Variants in CRYBG1 observed in about 807,000 individuals in gnomAD.
The protein encoded by CRYBG1 is beta/gamma crystallin domain-containing protein 1.
In CRYBG1, 139 loss-of-function variants were observed where a neutral mutation model predicts 189.2. The ratio of observed to expected loss-of-function variants is 0.73; its 90% CI spans 0.64 to 0.85. The LOEUF is 0.85. Ranked by LOEUF, CRYBG1 falls within the 40% of genes least tolerant of loss-of-function variation. CRYBG1 has a pLI of 0.00. For synonymous variants in CRYBG1, 1,023 were observed against 1,017.1 expected (o/e 1.01, Z -0.11); for missense variants, 2,611 against 2,675.8 (o/e 0.98, Z 0.53).
At chr6:106,561,064 ATCTGGGCTCAGT>A in intron 19 of CRYBG1, 138 bp downstream of exon 19, 1 of 1,026,804 alleles carries the variant, frequency 9.7e-7, no homozygotes, top group East Asian at 2.6e-5. Context: ...TGCCCCAATA[ATCTGGGCTCAGT>A]TTCTGGTGCT....
At chr6:106,555,993 G>T in intron 17 of CRYBG1, 96 bp downstream of exon 17, 1 of 1,368,752 alleles carries the variant, frequency 7.3e-7, no homozygotes, top group Non-Finnish European at 1.0e-6. Flanking sequence ...TGCTCTTAAA[G>T]TTAGTTAAGG....
intron 1 of CRYBG1, among the ~76,000 whole-genome samples, chr6:106,443,658 C>G (rs1268481909): frequency 2.6e-5 from 4 of 152,154 alleles, no homozygotes; most frequent in Non-Finnish European, 2.9e-5. Flanking sequence ...CTCAGAGTTG[C>G]CCCTGGTACT....
chr6:106,512,361 G>C lies in CRYBG1; in HGVS notation c.1244G>C (p.Gly415Ala), dbSNP rs535274999. ...DWDDMEKRSS[G>A]RRSGRRRGSQ... ...GACGACATGGAGAAGAGGTCCAGCG[G>C]CCGTAGGTCGGGGAGGCGGAGGGGG... Residue 415 changes from glycine (G) to alanine (A), a missense_variant, in exon 3 of 22, where the codon GGC (glycine) becomes GCC (alanine). Coordinates refer to ENST00000633556, the MANE Select transcript of CRYBG1 (RefSeq NM_001371242.2). 85 of 1,611,468 alleles carry C rather than the reference G, an allele frequency of 5.3e-5. 1 individual carries two copies. In the South Asian group the frequency reaches 8.8e-4, roughly 17 times the overall value.
At chr6:106,562,090 G>A (rs577105926) in intron 20 of CRYBG1, among the ~76,000 whole-genome samples, 16 of 152,148 alleles carry the variant, frequency 1.1e-4, no homozygotes, top group Middle Eastern at 3.4e-3. Context: ...GAGCTTGACC[G>A]TTGGCTCCTG....
intron 2 of CRYBG1, among the ~76,000 whole-genome samples, chr6:106,495,580 T>TG (rs1404609102): frequency 6.6e-6 from 1 of 150,492 alleles, no homozygotes; most frequent in African/African-American, 2.4e-5. Flanking sequence ...TGGAATATAG[T>TG]GGGGGGGCTG....
chr6:106,361,983 T>TCTTTCTTTCTTTCTTTCTTTCTTTCTTGC (rs1771882292), intron 1 of CRYBG1, among the ~76,000 whole-genome samples: 1 of 138,082 alleles, frequency 7.2e-6, no homozygotes. Flanking sequence ...TTTTTTTTTT[T>TCTTTCTTTCTTTCTTTCTTTCTTTCTTGC]TTTCTGAGAC....
rs754168088 is a variant in CRYBG1, at chr6:106,555,871, T to C, written c.5689T>C (p.Phe1897Leu). ...SAMGCPPGAT[F>L]KSLRFIDVEF... ...AATGGGATGCCCGCCTGGAGCAACTTTCAAGTCTCTTCGTTTTATAGATGT... is the reference window on the plus strand; with the variant it reads ...AATGGGATGCCCGCCTGGAGCAACTCTCAAGTCTCTTCGTTTTATAGATGT... Residue 1897 changes from phenylalanine (F) to leucine (L), a missense_variant, in exon 17 of 22, where the codon TTC becomes CTC. Transcript: ENST00000633556. The C allele has an allele frequency of 4.3e-6, 7 of 1,614,066 alleles. No individual in the cohort carries two copies. In the African/African-American group the frequency reaches 8.0e-5, roughly 18 times the overall value.
intron 2 of CRYBG1, among the ~76,000 whole-genome samples, chr6:106,482,364 C>T (rs1772481867): frequency 8.7e-6 from 1 of 114,770 alleles, no homozygotes; most frequent in Non-Finnish European, 1.8e-5. Context: ...ATCCCTACAC[C>T]TTTGCAGTGG....
intron 1 of CRYBG1, among the ~76,000 whole-genome samples, chr6:106,384,208 C>A (rs1770341127): frequency 2.0e-5 from 3 of 152,140 alleles, no homozygotes; most frequent in South Asian, 2.1e-4. Context: ...TCCTCTTTGA[C>A]CTACTGGCTT....
rs758953735 is a variant in CRYBG1, at chr6:106,512,162, G to A, written c.1045G>A (p.Glu349Lys). The A allele has an allele frequency of 2.0e-6, 3 of 1,534,532 alleles. No individual in the cohort carries two copies. Among genetic ancestry groups the A allele is most frequent in the South Asian group, 2.4e-5 (2 of 83,930 alleles). Residue 349 changes from glutamate to lysine, a missense_variant, in exon 3 of 22, where the codon GAG becomes AAG. By Grantham distance (56) the Glu-to-Lys change is moderately conservative. Coordinates refer to ENST00000633556, the MANE Select transcript of CRYBG1 (RefSeq NM_001371242.2). ...ASDLPGEPPA[E>K]GAAHTASSAQ... ...TGATTTGCCAGGTGAGCCTCCGGCC[G>A]AGGGCGCAGCGCACACGGCCAGCTC...
intron 1 of CRYBG1, among the ~76,000 whole-genome samples, chr6:106,411,252 T>C (rs1435549712): frequency 1.3e-5 from 2 of 152,198 alleles, no homozygotes; most frequent in East Asian, 3.8e-4. Context: ...TTCGGGGCCA[T>C]AATAAAATGT....
intron 2 of CRYBG1, among the ~76,000 whole-genome samples, chr6:106,489,787 C>CAAAAAA (rs10593320): frequency 4.9e-5 from 4 of 81,658 alleles, no homozygotes; most frequent in Non-Finnish European, 1.1e-4. Flanking sequence ...ACTCTGTGTC[C>CAAAAAA]AAAAAAAAAA....
rs71572302 is a variant in CRYBG1, at chr6:106,513,358, T to A, written c.1922+319T>A. 1.4e-3 allele frequency among the ~76,000 whole-genome samples: 220 copies of A among 152,354 alleles called. 1 individual carries two copies. The highest frequency in any genetic ancestry group is 2.0e-3 in the Non-Finnish European group (139 of 68,034). The stretch of plus-strand genomic sequence containing the variant: ...GGCCTGACATGAGCTGATTCTATTC[T>A]TTATTCAAAATGTACAAGGGTGTTC... On this transcript the variant is annotated intron_variant, in intron 3 of 21. Transcript: ENST00000633556.
intron 2 of CRYBG1, among the ~76,000 whole-genome samples, chr6:106,479,641 T>C (rs9384617): frequency 0.21 from 32,112 of 152,048 alleles, 4,502 homozygotes; most frequent in African/African-American, 0.38. Flanking sequence ...TAGTATCTCA[T>C]TGTGGTTTTG....
chr6:106,432,527 G>A (rs1418055917), intron 1 of CRYBG1, among the ~76,000 whole-genome samples: 1 of 152,046 alleles, frequency 6.6e-6, no homozygotes, highest in African/African-American at 2.4e-5. Context: ...AGGGAGTTAA[G>A]TATGTTCCAA....
At chr6:106,422,225 T>C (rs562350407) in intron 1 of CRYBG1, among the ~76,000 whole-genome samples, 2 of 151,942 alleles carry the variant, frequency 1.3e-5, no homozygotes, top group South Asian at 2.1e-4. Flanking sequence ...ACAATCCTAT[T>C]AGAACTTAGT....
At chr6:106,396,066 A>T (rs1770602271) in intron 1 of CRYBG1, among the ~76,000 whole-genome samples, 2 of 152,208 alleles carry the variant, frequency 1.3e-5, no homozygotes, top group Non-Finnish European at 2.9e-5. Flanking sequence ...TAGGCATTGA[A>T]GTCCTAGTCC....
rs190747936 is a variant in CRYBG1, at chr6:106,430,440, G to A, written c.174-21254G>A. On this transcript the variant is annotated intron_variant, in intron 1 of 21. Coordinates refer to ENST00000633556, the MANE Select transcript of CRYBG1 (RefSeq NM_001371242.2). ...AGAAAGAAAAAGGATTTTAGCACAAGGCTATGTGACTTCAGCCTGCTTCGG... is the reference window on the plus strand; with the variant it reads ...AGAAAGAAAAAGGATTTTAGCACAAAGCTATGTGACTTCAGCCTGCTTCGG... 4.9e-3 allele frequency among the ~76,000 whole-genome samples: 753 copies of A among 152,248 alleles called. 5 individuals carry two copies. Among genetic ancestry groups the A allele is most frequent in the South Asian group, 0.026 (125 of 4,820 alleles).
intron 1 of CRYBG1, among the ~76,000 whole-genome samples, chr6:106,410,830 G>A (rs1250666388): frequency 6.6e-6 from 1 of 152,108 alleles, no homozygotes; most frequent in African/African-American, 2.4e-5. Flanking sequence ...TGGACCTGGA[G>A]GGAAACATCA....
Sources: allele counts gnomAD v4.1 joint callset (sites outside exome capture counted in the v4.1 genomes callset), GRCh38; gene constraint gnomAD v4.1.1; transcripts MANE v1.5; gene names NCBI Gene and HGNC (gene_info 2026-07-23, HGNC 2026-07-21).